The following RBM33 variants were observed in gnomAD, a reference collection of about 807,000 sequenced individuals.
RBM33 encodes RNA-binding protein 33.
Under a neutral mutation model 132.6 loss-of-function variants are expected in RBM33, and 28 were observed. That is an observed-to-expected ratio of 0.21 (90% CI 0.16 to 0.29). The LOEUF (loss-of-function observed/expected upper bound fraction) is 0.29. RBM33 is among the 10% of genes least tolerant of loss of function. RBM33 has a pLI of 1.00. For synonymous variants in RBM33, 634 were observed against 593.0 expected, an observed-to-expected ratio of 1.07 and a Z score of -1.01; for missense variants, 1,291 against 1,518.5, an observed-to-expected ratio of 0.85 and a Z score of 2.49.
chr7:155,682,519 A>G (rs1439403407), intron 5 of RBM33, among the ~76,000 whole-genome samples: 1 of 152,208 alleles, frequency 6.6e-6, no homozygotes, highest in Non-Finnish European at 1.5e-5. Flanking sequence ...TAGTTAGAGT[A>G]TTTTATTATT....
chr7:155,671,038 C>G (rs577330945), intron 2 of RBM33, among the ~76,000 whole-genome samples: 5 of 152,272 alleles, frequency 3.3e-5, no homozygotes, highest in Non-Finnish European at 7.4e-5. Context: ...ACTGGCATCA[C>G]ATTCCATTTT....
chr7:155,668,196 T>C (rs1386130359), intron 2 of RBM33, among the ~76,000 whole-genome samples: 1 of 152,218 alleles, frequency 6.6e-6, no homozygotes, highest in Non-Finnish European at 1.5e-5. Flanking sequence ...TTTAAATATA[T>C]GTATTAGTAT....
At chr7:155,716,185 G>T (rs954121105) in intron 8 of RBM33, among the ~76,000 whole-genome samples, 1 of 152,168 alleles carries the variant, frequency 6.6e-6, no homozygotes, top group Non-Finnish European at 1.5e-5. Context: ...GGGAGAGCCC[G>T]CAGACACATG....
chr7:155,748,036 C>T (rs542424436), intron 14 of RBM33, among the ~76,000 whole-genome samples: 8 of 152,190 alleles, frequency 5.3e-5, no homozygotes, highest in Admixed American at 2.6e-4. Context: ...TCTTAATGCT[C>T]AGGGATGTTT....
chr7:155,737,061 A>G (rs1182174415), intron 9 of RBM33, among the ~76,000 whole-genome samples: 3 of 152,218 alleles, frequency 2.0e-5, no homozygotes, highest in Admixed American at 2.0e-4. Context: ...ATGAGATTAT[A>G]ATAGTGTATT....
chr7:155,744,860 A>G (rs953835154), intron 13 of RBM33, 101 bp from the exon 14 acceptor site: 1 of 1,165,930 alleles, frequency 8.6e-7, no homozygotes, highest in African/African-American at 1.5e-5. Context: ...CAGATACTGA[A>G]TTAAAGGACT....
In RBM33 at chr7:155,779,191, C is replaced by G. The variant is rs1480664339; in HGVS notation, c.*4150C>G. ...CTTCCCTTCATTAAGCTATGATCCT[C>G]CACCCCATTTTTTTTTTTTTTAATT... is the stretch of plus-strand genomic sequence containing the variant. On this transcript the variant is annotated 3_prime_UTR_variant, in exon 18 of 18. Transcript: ENST00000401878. The G allele has an allele frequency of 6.6e-6, 1 of 150,398 alleles. No individual in the cohort carries two copies. The highest frequency in any genetic ancestry group is 1.5e-5 in the Non-Finnish European group (1 of 67,730). The allele number at this position is 150,398 out of a possible 1,614,324, so 9.3% of individuals were successfully genotyped here.
chr7:155,706,834 T>C (rs1384732861), intron 6 of RBM33, 26 bp from the exon 7 acceptor site: 1 of 1,566,068 alleles, frequency 6.4e-7, no homozygotes, highest in Admixed American at 1.9e-5. Context: ...GGAAAGTAAC[T>C]AACACATACA....
chr7:155,746,079 A>G (rs1459682013), intron 14 of RBM33, among the ~76,000 whole-genome samples: 1 of 152,238 alleles, frequency 6.6e-6, no homozygotes, highest in East Asian at 1.9e-4. Context: ...TATGCGGCAC[A>G]TGCTTCAGTT....
At chr7:155,657,361 T>G (rs1798520880) in intron 1 of RBM33, among the ~76,000 whole-genome samples, 1 of 152,134 alleles carries the variant, frequency 6.6e-6, no homozygotes, top group Admixed American at 6.5e-5. Context: ...AGTGGGAACT[T>G]TAAAAAGCAA....
intron 11 of RBM33, 88 bp from the exon 12 acceptor site, chr7:155,739,627 T>G: frequency 2.9e-6 from 4 of 1,389,086 alleles, no homozygotes; most frequent in Non-Finnish European, 3.8e-6. Flanking sequence ...TCCTTTCTTG[T>G]GTTGAGGTTT....
chr7:155,728,126 T>C (rs1375477811), intron 9 of RBM33, among the ~76,000 whole-genome samples: 1 of 152,204 alleles, frequency 6.6e-6, no homozygotes, highest in Non-Finnish European at 1.5e-5. Context: ...ATGTTTTTTC[T>C]GAGTGGTGTC....
chr7:155,763,525 T>C (rs552501644), intron 14 of RBM33, among the ~76,000 whole-genome samples: 1 of 152,348 alleles, frequency 6.6e-6, no homozygotes, highest in South Asian at 2.1e-4. Flanking sequence ...TAACCAGTAT[T>C]TCACGGAATT....
chr7:155,685,006 A>C, intron 5 of RBM33: 3 of 1,550,458 alleles, frequency 1.9e-6, no homozygotes, highest in Non-Finnish European at 2.6e-6. Flanking sequence ...GCTGAAGATG[A>C]ATTAGATGAG....
chr7:155,747,307 G>C (rs532372027), intron 14 of RBM33, among the ~76,000 whole-genome samples: 13 of 152,286 alleles, frequency 8.5e-5, no homozygotes, highest in African/African-American at 3.1e-4. Flanking sequence ...GTTTTTAAGT[G>C]TACTGTGTTA....
chr7:155,700,575 T>G (rs1055452506), intron 5 of RBM33, among the ~76,000 whole-genome samples, 198 bp from the exon 6 acceptor site: 45 of 71,192 alleles, frequency 6.3e-4, no homozygotes, highest in Non-Finnish European at 1.0e-3. Flanking sequence ...TTTTTTTTTT[T>G]GAACATTAAC....
intron 14 of RBM33, among the ~76,000 whole-genome samples, chr7:155,762,168 A>T (rs1031310683): frequency 1.6e-4 from 25 of 152,166 alleles, no homozygotes; most frequent in African/African-American, 6.0e-4. Context: ...GAGCCCATCT[A>T]GGCCTTCTCT....
chr7:155,709,738 ATCCCTACTCT>A (rs1347159674), intron 7 of RBM33, among the ~76,000 whole-genome samples: 8 of 152,164 alleles, frequency 5.3e-5, no homozygotes, highest in African/African-American at 1.9e-4. Flanking sequence ...GATAGACAAG[ATCCCTACTCT>A]CATGGGCAAA....
rs1456017024 is a variant in RBM33 at position 155,780,666 on chromosome 7, C to T, written c.*5625C>T. On this transcript the variant is annotated 3_prime_UTR_variant, in exon 18 of 18. Transcript: ENST00000401878. ...GGCTTTCCATGCTCCTCTCCCTCCA[C>T]CTCCTGGCTTCAACTGGGTGAGGGC... 1 of 152,684 alleles carries T rather than the reference C, an allele frequency of 6.5e-6. No homozygotes were observed. Among genetic ancestry groups the T allele is most frequent in the South Asian group, 2.1e-4 (1 of 4,836 alleles). The allele number at this position is 152,684 out of a possible 1,614,324, so 9.5% of individuals were successfully genotyped here. A position where few individuals can be genotyped will look rare whatever the true frequency, so the allele number is the denominator to read the frequency against.
Sources: allele counts gnomAD v4.1 joint callset (sites outside exome capture counted in the v4.1 genomes callset), GRCh38; gene constraint gnomAD v4.1.1; transcripts MANE v1.5; gene names NCBI Gene and HGNC (gene_info 2026-07-23, HGNC 2026-07-21).